The following ADAM22 variants were observed in gnomAD, a reference collection of about 807,000 sequenced individuals.
The protein encoded by ADAM22 is disintegrin and metalloproteinase domain-containing protein 22.
In ADAM22, 65 loss-of-function variants were observed where a neutral mutation model predicts 144.6. The ratio of observed to expected loss-of-function variants is 0.45; its 90% CI spans 0.37 to 0.55. ADAM22 has a LOEUF of 0.55. ADAM22 is among the 20% of genes least tolerant of loss of function. The pLI, the probability that ADAM22 is intolerant of heterozygous loss-of-function variation, is 0.00. For synonymous variants in ADAM22, 391 were observed against 412.6 expected, an observed-to-expected ratio of 0.95 and a Z score of 0.63; for missense variants, 974 against 1,184.9, an observed-to-expected ratio of 0.82 and a Z score of 2.61.
chr7:87,965,214 C>G (rs935872479), intron 2 of ADAM22, among the ~76,000 whole-genome samples: 10 of 152,196 alleles, frequency 6.6e-5, no homozygotes, highest in African/African-American at 2.2e-4. Context: ...AAGAAAGTCT[C>G]TGGTGTTTGA....
chr7:88,072,922 G>T (rs892837888), intron 3 of ADAM22, among the ~76,000 whole-genome samples: 1 of 152,170 alleles, frequency 6.6e-6, no homozygotes, highest in Non-Finnish European at 1.5e-5. Context: ...TTTTGCCTGA[G>T]GCAGGTCTTT....
intron 3 of ADAM22, among the ~76,000 whole-genome samples, chr7:87,994,963 G>A (rs1279384833): frequency 6.6e-6 from 1 of 152,234 alleles, no homozygotes; most frequent in African/African-American, 2.4e-5. Flanking sequence ...AAGTAGCTGG[G>A]AATACAGGCG....
rs183497022 is a variant in ADAM22 at position 88,132,862 on chromosome 7, A to G, written c.993-5A>G. 4.0e-4 allele frequency: 646 copies of G among 1,613,346 alleles called. 4 individuals are homozygous for G. The highest frequency in any genetic ancestry group is 3.4e-5 in the Non-Finnish European group (40 of 1,179,432). On this transcript the variant is annotated splice_region_variant and splice_polypyrimidine_tract_variant and intron_variant, in intron 11 of 31. Transcript: ENST00000413139. Reference sequence around the variant, plus strand: ...GTAAGCATTTTTCATTTCCTTTTCTAAAAGGGGAAGTCAATTTGAGAGTAG... The same window carrying G: ...GTAAGCATTTTTCATTTCCTTTTCTGAAAGGGGAAGTCAATTTGAGAGTAG...
At chr7:88,087,413 A>G (rs1818718162) in intron 4 of ADAM22, among the ~76,000 whole-genome samples, 1 of 152,178 alleles carries the variant, frequency 6.6e-6, no homozygotes, top group South Asian at 2.1e-4. Flanking sequence ...AAGAATGGTA[A>G]AAGACACACT....
chr7:87,966,890 C>T (rs1386515410), intron 2 of ADAM22, among the ~76,000 whole-genome samples: 1 of 151,682 alleles, frequency 6.6e-6, no homozygotes, highest in Non-Finnish European at 1.5e-5. Context: ...GCTGTGTCCC[C>T]GCCCACATCT....
At chr7:87,979,986 A>G (rs1486669954) in intron 3 of ADAM22, among the ~76,000 whole-genome samples, 1 of 152,070 alleles carries the variant, frequency 6.6e-6, no homozygotes, top group African/African-American at 2.4e-5. Context: ...GACTTTTAAT[A>G]CTCAAACAAA....
chr7:87,956,540 A>G (rs1846809857), intron 2 of ADAM22, among the ~76,000 whole-genome samples: 1 of 152,204 alleles, frequency 6.6e-6, no homozygotes, highest in Non-Finnish European at 1.5e-5. Context: ...TGCAGCGATC[A>G]CCACTGTCAA....
chr7:88,065,985 T>C (rs779966425), intron 3 of ADAM22, among the ~76,000 whole-genome samples: 1 of 152,186 alleles, frequency 6.6e-6, no homozygotes, highest in Admixed American at 6.5e-5. Flanking sequence ...TTAGAGTTAT[T>C]TTTCTTCATT....
chr7:87,983,615 T>C (rs1044393800), intron 3 of ADAM22, among the ~76,000 whole-genome samples: 2 of 152,194 alleles, frequency 1.3e-5, no homozygotes, highest in Non-Finnish European at 2.9e-5. Flanking sequence ...TTAGAGTTTT[T>C]CTTTTCAAAA....
intron 12 of ADAM22, among the ~76,000 whole-genome samples, chr7:88,133,403 A>G (rs1175490077): frequency 2.0e-5 from 3 of 148,572 alleles, no homozygotes; most frequent in Non-Finnish European, 4.5e-5. Flanking sequence ...AATAAATAAA[A>G]TTAAAAATAT....
intron 3 of ADAM22, among the ~76,000 whole-genome samples, chr7:88,031,124 A>G (rs1469515649): frequency 1.3e-5 from 2 of 152,110 alleles, no homozygotes; most frequent in Non-Finnish European, 2.9e-5. Flanking sequence ...TCAAAAACAA[A>G]CAAACAAACA....
intron 8 of ADAM22, among the ~76,000 whole-genome samples, chr7:88,127,714 A>G (rs1830758743): frequency 6.6e-6 from 1 of 151,938 alleles, no homozygotes; most frequent in African/African-American, 2.4e-5. Context: ...TTTAAGTTTG[A>G]TTGTATACCC....
intron 7 of ADAM22, among the ~76,000 whole-genome samples, chr7:88,120,437 C>G (rs1201378891): frequency 6.6e-6 from 1 of 151,936 alleles, no homozygotes; most frequent in Non-Finnish European, 1.5e-5. Context: ...AGTGGGTACA[C>G]TCTTTTATAT....
intron 29 of ADAM22, among the ~76,000 whole-genome samples, chr7:88,183,566 T>C (rs903022216): frequency 6.6e-6 from 1 of 152,088 alleles, no homozygotes; most frequent in Non-Finnish European, 1.5e-5. Context: ...CCACTCACAT[T>C]GTATGATTAA....
chr7:88,040,839 A>G (rs903292838), intron 3 of ADAM22, among the ~76,000 whole-genome samples: 1 of 151,946 alleles, frequency 6.6e-6, no homozygotes, highest in African/African-American at 2.4e-5. Flanking sequence ...GTTTTCTCAG[A>G]GTCATTCAAG....
chr7:88,108,290 G>GT (rs1824992798), intron 5 of ADAM22, 32 bp downstream of exon 5: 2 of 1,563,788 alleles, frequency 1.3e-6, no homozygotes, highest in African/African-American at 1.4e-5. Flanking sequence ...TTTACTGTTT[G>GT]TTTTTTCAAT....
intron 4 of ADAM22, among the ~76,000 whole-genome samples, chr7:88,097,397 C>T (rs1821677267): frequency 6.6e-6 from 1 of 151,762 alleles, no homozygotes; most frequent in African/African-American, 2.4e-5. Context: ...ACCCACCCGC[C>T]TCAGTCTCCC....
intron 18 of ADAM22, 33 bp downstream of exon 18, chr7:88,149,090 G>C: frequency 6.6e-7 from 1 of 1,512,288 alleles, no homozygotes; most frequent in Non-Finnish European, 9.2e-7. Flanking sequence ...TAAAACTTAT[G>C]GGAAAAAGTG....
intron 3 of ADAM22, among the ~76,000 whole-genome samples, chr7:87,991,366 T>A (rs1324400857): frequency 2.1e-5 from 3 of 142,528 alleles, no homozygotes; most frequent in African/African-American, 5.2e-5. Flanking sequence ...TTTTTTTTTT[T>A]TTTTTTTTTT....
Sources: gnomAD v4.1 joint callset for allele counts (sites outside exome capture counted in the v4.1 genomes callset) on GRCh38, gnomAD v4.1.1 for gene constraint, MANE v1.5 for transcripts, NCBI Gene and HGNC (gene_info 2026-07-23, HGNC 2026-07-21) for gene names.